The following CACNA1D variants were observed in gnomAD, a reference collection of about 807,000 sequenced individuals.
CACNA1D encodes voltage-dependent L-type calcium channel subunit alpha-1D.
CACNA1D carries 55 observed loss-of-function variants against 257.1 expected under a neutral mutation model. The ratio of observed to expected loss-of-function variants is 0.21; its 90% CI spans 0.17 to 0.27. The LOEUF is 0.27. CACNA1D is among the 10% of genes least tolerant of loss of function. The pLI, the probability that CACNA1D is intolerant of heterozygous loss-of-function variation, is 1.00. For synonymous variants in CACNA1D, 980 were observed against 1,014.9 expected (o/e 0.97, Z 0.65); for missense variants, 1,876 against 2,784.0 (o/e 0.67, Z 7.34).
At chr3:53,529,351 C>G (rs1373465760) in intron 3 of CACNA1D, among the ~76,000 whole-genome samples, 1 of 152,154 alleles carries the variant, frequency 6.6e-6, no homozygotes, top group African/African-American at 2.4e-5. Flanking sequence ...CAGGACGCAC[C>G]TCACTTGGTC....
At chr3:53,544,422 CAG>C (rs1219457303) in intron 3 of CACNA1D, among the ~76,000 whole-genome samples, 1 of 151,884 alleles carries the variant, frequency 6.6e-6, no homozygotes, top group African/African-American at 2.4e-5. Context: ...CTTCCTGAGA[CAG>C]AGGGGACTGG....
At chr3:53,780,290 C>T (rs547926098) in intron 38 of CACNA1D, among the ~76,000 whole-genome samples, 162 bp downstream of exon 38, 32 of 152,362 alleles carry the variant, frequency 2.1e-4, no homozygotes, top group African/African-American at 7.5e-4. Flanking sequence ...CCGGCTGGCC[C>T]CTGCCTCCTG....
intron 3 of CACNA1D, among the ~76,000 whole-genome samples, chr3:53,605,994 G>T (rs553119047): frequency 5.3e-5 from 8 of 152,296 alleles, no homozygotes; most frequent in African/African-American, 1.9e-4. Context: ...CTCTGGACCT[G>T]TTTGTTTCTA....
chr3:53,725,444 T>C (rs1027800413), intron 14 of CACNA1D, among the ~76,000 whole-genome samples: 1 of 152,194 alleles, frequency 6.6e-6, no homozygotes, highest in Non-Finnish European at 1.5e-5. Flanking sequence ...GCACATGTGT[T>C]GGCTGTAGAT....
chr3:53,672,486 G>A (rs1016364300), intron 7 of CACNA1D, among the ~76,000 whole-genome samples: 3 of 152,156 alleles, frequency 2.0e-5, no homozygotes, highest in Non-Finnish European at 4.4e-5. Context: ...GATTATTTTA[G>A]GAGTTTTTAA....
At chr3:53,775,848 T>A (rs1379934543) in intron 34 of CACNA1D, 38 bp from the exon 35 acceptor site, 1 of 1,606,628 alleles carries the variant, frequency 6.2e-7, no homozygotes, top group South Asian at 1.1e-5. Flanking sequence ...ATTCCTTCTT[T>A]CCCCCACTAA....
intron 16 of CACNA1D, 37 bp downstream of exon 16, chr3:53,730,593 C>A: frequency 6.9e-7 from 1 of 1,455,670 alleles, no homozygotes; most frequent in Non-Finnish European, 9.6e-7. Flanking sequence ...TGTCCAGGGG[C>A]TGTGTTGGGA....
Position 53,732,951 on chromosome 3 carries a change from C to A in CACNA1D, c.2610C>A (p.Ser870Arg). ...AAGGGAGCGCTTTCTTCATTCTTAGCAAGACCAACCCGTAAATACTCCCCT... is the reference window on the plus strand; with the variant it reads ...AAGGGAGCGCTTTCTTCATTCTTAGAAAGACCAACCCGTAAATACTCCCCT... ...IPEGSAFFILSKTNPIRVGCH... is the reference protein window; with the variant it reads ...IPEGSAFFILRKTNPIRVGCH... The change falls in exon 19 of 48, where the codon AGC (serine) becomes AGA (arginine). Residue 870 changes from serine to arginine, a missense_variant. Around this residue, in one of 10 missense-constraint regions of CACNA1D, gnomAD observed 271 missense variants for 425.5 expected, o/e 0.64. Transcript: ENST00000350061. 1 of 1,613,944 alleles carries A rather than the reference C, an allele frequency of 6.2e-7. No homozygotes were observed. The highest frequency in any genetic ancestry group is 8.5e-7 in the Non-Finnish European group (1 of 1,179,854).
intron 40 of CACNA1D, chr3:53,791,302 C>T: frequency 2.8e-6 from 1 of 355,854 alleles, no homozygotes; most frequent in Non-Finnish European, 5.1e-6. Flanking sequence ...CCCTTCCAAG[C>T]AGAGACTCAG....
intron 15 of CACNA1D, among the ~76,000 whole-genome samples, chr3:53,729,458 G>A (rs1366593286): frequency 6.6e-6 from 1 of 152,156 alleles, no homozygotes; most frequent in Non-Finnish European, 1.5e-5. Flanking sequence ...GCCTGCAGAT[G>A]GCCGGGCATC....
In CACNA1D at chr3:53,753,552, C is replaced by G. The variant is rs1299427235; in HGVS notation, c.3676-20C>G. On this transcript the variant is annotated intron_variant, in intron 28 of 47. Coordinates refer to ENST00000350061, the MANE Select transcript of CACNA1D (RefSeq NM_001128840.3). ...TCGTGGCTGAGGCTCTGAGAACGGT[C>G]CCTCTGTCTTCATCCATAGCACTAC... 4 of 1,476,112 alleles carry G rather than the reference C, an allele frequency of 2.7e-6. No homozygotes were observed. The African/African-American group carries it at 4.2e-5, about 15-fold the overall frequency. 91.4% of individuals were successfully genotyped at this position (1,476,112 alleles called of 1,614,324 possible).
intron 3 of CACNA1D, among the ~76,000 whole-genome samples, chr3:53,578,190 G>A (rs542648154): frequency 4.2e-4 from 64 of 152,274 alleles, no homozygotes; most frequent in African/African-American, 1.4e-3. Flanking sequence ...AGTGCTGTTA[G>A]GGAGGTGGGA....
chr3:53,695,578 C>T (rs2094566225), intron 8 of CACNA1D, among the ~76,000 whole-genome samples: 1 of 152,102 alleles, frequency 6.6e-6, no homozygotes, highest in African/African-American at 2.4e-5. Context: ...TGTGCTAGAC[C>T]CAGGGGACTG....
intron 3 of CACNA1D, among the ~76,000 whole-genome samples, chr3:53,604,871 G>A (rs1023210384): frequency 4.6e-5 from 7 of 152,130 alleles, no homozygotes; most frequent in African/African-American, 1.7e-4. Flanking sequence ...ACATTCCTAA[G>A]ATTTATTGTG....
At chr3:53,635,773 C>G (rs2093875834) in intron 3 of CACNA1D, among the ~76,000 whole-genome samples, 1 of 152,204 alleles carries the variant, frequency 6.6e-6, no homozygotes, top group South Asian at 2.1e-4. Flanking sequence ...TTCTTCCTTC[C>G]CGTATAAACT....
At chr3:53,608,256 T>C (rs1180385676) in intron 3 of CACNA1D, among the ~76,000 whole-genome samples, 3 of 152,226 alleles carry the variant, frequency 2.0e-5, no homozygotes, top group South Asian at 2.1e-4. Context: ...TCTGATGTTA[T>C]TGTAAATGGT....
chr3:53,660,387 C>T (rs2094191822), intron 5 of CACNA1D, 112 bp downstream of exon 5: 1 of 981,454 alleles, frequency 1.0e-6, no homozygotes, highest in Non-Finnish European at 1.6e-6. Flanking sequence ...CAGGGGTCAG[C>T]AGATGACCAT....
At chr3:53,693,461 A>ATTTTTTTTTTTTTTTTTTTTT (rs10576296) in intron 8 of CACNA1D, among the ~76,000 whole-genome samples, 1 of 142,468 alleles carries the variant, frequency 7.0e-6, no homozygotes, top group Non-Finnish European at 1.5e-5. Context: ...CATTGCTGTT[A>ATTTTTTTTTTTTTTTTTTTTT]TTTTTTTTTT....
chr3:53,774,393 A>G lies in CACNA1D; in HGVS notation c.4111-194A>G, dbSNP rs573123765. On this transcript the variant is annotated intron_variant, in intron 33 of 47. Transcript: ENST00000350061. The surrounding 1 kb of genome is among the most constrained non-coding windows in gnomAD (Gnocchi z 4.3). Reference sequence around the variant, plus strand: ...TGAGACCGTGCCCCTCTGGAGCACCACGTTCCCAGTGTGTAACCTGCTGCC... The same window carrying G: ...TGAGACCGTGCCCCTCTGGAGCACCGCGTTCCCAGTGTGTAACCTGCTGCC... The G allele has an allele frequency of 1.3e-4, 74 of 587,742 alleles. No individual in the cohort carries two copies. In the East Asian group the frequency reaches 2.1e-3, roughly 17 times the overall value. The allele number at this position is 587,742 out of a possible 1,614,324, so 36.4% of individuals were successfully genotyped here.
Sources: gnomAD v4.1 joint callset for allele counts (sites outside exome capture counted in the v4.1 genomes callset) on GRCh38, gnomAD v4.1.1 for gene constraint, gnomAD v4.1.1 regional missense constraint, Gnocchi (gnomAD v3.1) non-coding constraint, MANE v1.5 for transcripts, NCBI Gene and HGNC (gene_info 2026-07-23, HGNC 2026-07-21) for gene names.